PDE3B: variants seen among roughly 807,000 people sequenced by gnomAD.
PDE3B encodes the protein phosphodiesterase 3B, also known as cGMP-inhibited 3',5'-cyclic phosphodiesterase 3B.
A neutral mutation model predicts 116.8 loss-of-function variants in PDE3B; 66 were observed. That is an observed-to-expected ratio of 0.56 (90% CI 0.46 to 0.69). The LOEUF is 0.69. Among genes scored for constraint, PDE3B ranks in the 30% least tolerant of loss-of-function variants. The pLI is 0.00. For synonymous variants in PDE3B, 595 were observed against 533.6 expected, an observed-to-expected ratio of 1.12 and a Z score of -1.59; for missense variants, 1,384 against 1,368.1, an observed-to-expected ratio of 1.01 and a Z score of -0.18.
intron 1 of PDE3B, among the ~76,000 whole-genome samples, chr11:14,651,349 C>G (rs1283011919): frequency 6.6e-6 from 1 of 152,132 alleles, no homozygotes; most frequent in African/African-American, 2.4e-5. Context: ...CCCTGATTAT[C>G]CCCGTAGAGA....
chr11:14,842,907 G>C (rs986566725), intron 11 of PDE3B, among the ~76,000 whole-genome samples: 1 of 152,246 alleles, frequency 6.6e-6, no homozygotes, highest in South Asian at 2.1e-4. Context: ...ATGGTGTATT[G>C]AGTCAACTAA....
At chr11:14,712,858 T>A (rs981501872) in intron 1 of PDE3B, among the ~76,000 whole-genome samples, 3 of 152,208 alleles carry the variant, frequency 2.0e-5, no homozygotes, top group Admixed American at 1.3e-4. Flanking sequence ...GAGAATTAAA[T>A]ACAAATCCTC....
At chr11:14,856,868 A>AAG (rs1226186932) in intron 12 of PDE3B, among the ~76,000 whole-genome samples, 1 of 151,904 alleles carries the variant, frequency 6.6e-6, no homozygotes, top group African/African-American at 2.4e-5. Flanking sequence ...AAAAAAAAAA[A>AAG]AGTGCCTTCT....
chr11:14,662,875 A>C (rs1853979617), intron 1 of PDE3B, among the ~76,000 whole-genome samples: 1 of 152,222 alleles, frequency 6.6e-6, no homozygotes, highest in Non-Finnish European at 1.5e-5. Context: ...CCAAGTTGGA[A>C]AACACTCTGC....
chr11:14,755,857 G>T (rs2133880766), intron 1 of PDE3B, among the ~76,000 whole-genome samples: 1 of 152,228 alleles, frequency 6.6e-6, no homozygotes, highest in East Asian at 1.9e-4. Context: ...TACAAAGTTT[G>T]CTAACTGTGA....
At chr11:14,654,787 TACAC>T (rs59557281) in intron 1 of PDE3B, among the ~76,000 whole-genome samples, 24,380 of 141,838 alleles carry the variant, frequency 0.17, 2,441 homozygotes, top group African/African-American at 0.3. Flanking sequence ...AGCAGCTGTC[TACAC>T]ACACACACAC....
At chr11:14,887,246 A>G in the PDE3B span, 6 of 152,236 alleles carry the variant, frequency 3.9e-5, no homozygotes, top group Non-Finnish European at 8.8e-5. Context: ...CAGAGGGCAA[A>G]TGTATTTCAG....
At chr11:14,782,036 C>A (rs964948020) in intron 2 of PDE3B, among the ~76,000 whole-genome samples, 1 of 152,194 alleles carries the variant, frequency 6.6e-6, no homozygotes, top group Non-Finnish European at 1.5e-5. Context: ...ACAGCCAAAT[C>A]ATGAGTGAAC....
intron 1 of PDE3B, among the ~76,000 whole-genome samples, chr11:14,649,376 CATT>C (rs1234846052): frequency 6.6e-6 from 1 of 152,134 alleles, no homozygotes; most frequent in African/African-American, 2.4e-5. Context: ...GAAATCTGCT[CATT>C]ATATATTGTA....
intron 2 of PDE3B, among the ~76,000 whole-genome samples, chr11:14,782,874 C>T (rs1410239145): frequency 6.6e-6 from 1 of 152,086 alleles, no homozygotes; most frequent in African/African-American, 2.4e-5. Context: ...GACAAAAGGG[C>T]TAATATCCAG....
intron 1 of PDE3B, among the ~76,000 whole-genome samples, chr11:14,723,207 C>T (rs1025932767): frequency 6.6e-6 from 1 of 152,200 alleles, no homozygotes; most frequent in Non-Finnish European, 1.5e-5. Flanking sequence ...ATCACTTTGA[C>T]TCCAATTTAG....
At chr11:14,867,076 A>T (rs1227574824) in intron 14 of PDE3B, among the ~76,000 whole-genome samples, 1 of 152,072 alleles carries the variant, frequency 6.6e-6, no homozygotes, top group Non-Finnish European at 1.5e-5. Flanking sequence ...AAAAAAAAAA[A>T]AAAGGGGGTG....
chr11:14,880,996 C>A, the PDE3B span, among the ~76,000 whole-genome samples: 2 of 152,032 alleles, frequency 1.3e-5, no homozygotes, highest in Non-Finnish European at 2.9e-5. Flanking sequence ...TATAATTGCA[C>A]CACCACAAGA....
chr11:14,781,810 A>G (rs1396699106), intron 2 of PDE3B, among the ~76,000 whole-genome samples: 1 of 152,220 alleles, frequency 6.6e-6, no homozygotes, highest in East Asian at 1.9e-4. Context: ...AGTTCTGGTC[A>G]GGGCAGTCAG....
At chr11:14,780,845 A>T (rs1334294537) in intron 2 of PDE3B, among the ~76,000 whole-genome samples, 2 of 152,196 alleles carry the variant, frequency 1.3e-5, no homozygotes, top group Non-Finnish European at 2.9e-5. Flanking sequence ...TAGAGACACA[A>T]AAAACCCTTC....
At chr11:14,691,661 C>T (rs1327715732) in intron 1 of PDE3B, among the ~76,000 whole-genome samples, 3 of 152,068 alleles carry the variant, frequency 2.0e-5, no homozygotes, top group Non-Finnish European at 2.9e-5. Context: ...AAAATTTCTG[C>T]CTTCATGGAA....
At chr11:14,880,593 C>T in the PDE3B span, 3 of 1,612,944 alleles carry the variant, frequency 1.9e-6, no homozygotes, top group East Asian at 2.2e-5. Flanking sequence ...TCGTTATTAA[C>T]TGTTTAAAGT....
intron 1 of PDE3B, among the ~76,000 whole-genome samples, chr11:14,744,188 A>C (rs992326091): frequency 1.3e-5 from 2 of 152,164 alleles, no homozygotes; most frequent in South Asian, 2.1e-4. Context: ...TGTAGCTTTT[A>C]TAATCAGTTA....
chr11:14,780,558 A>C (rs1857958737), intron 2 of PDE3B, among the ~76,000 whole-genome samples: 1 of 152,258 alleles, frequency 6.6e-6, no homozygotes, highest in African/African-American at 2.4e-5. Flanking sequence ...CCTGCTCCTG[A>C]GTGACTAATG....
Sources: allele counts gnomAD v4.1 joint callset (sites outside exome capture counted in the v4.1 genomes callset), GRCh38; gene constraint gnomAD v4.1.1; transcripts MANE v1.5; gene names NCBI Gene and HGNC (gene_info 2026-07-23, HGNC 2026-07-21).